The following LRRIQ1 variants were observed in gnomAD, a reference collection of about 807,000 sequenced individuals.
LRRIQ1 encodes the protein leucine rich repeats and IQ motif containing 1, also known as leucine-rich repeat- and IQ domain-containing protein 1.
LRRIQ1 carries 210 observed loss-of-function variants against 211.9 expected under a neutral mutation model. That is an observed-to-expected ratio of 0.99 (90% CI 0.89 to 1.11). The LOEUF is 1.11. Ranked by LOEUF, LRRIQ1 falls within the 50% of genes most tolerant of loss-of-function variation. LRRIQ1 has a pLI of 0.00. For synonymous variants in LRRIQ1, 699 were observed against 650.1 expected (o/e 1.08, Z -1.14); for missense variants, 2,136 against 1,939.5 (o/e 1.10, Z -1.90).
At chr12:85,211,234 G>A (rs2137069017) in intron 24 of LRRIQ1, among the ~76,000 whole-genome samples, 1 of 152,232 alleles carries the variant, frequency 6.6e-6, no homozygotes, top group East Asian at 1.9e-4. Flanking sequence ...TATACCCAAG[G>A]ATGAATACAT....
intron 24 of LRRIQ1, among the ~76,000 whole-genome samples, chr12:85,206,846 G>A (rs1228863793): frequency 1.3e-5 from 2 of 152,074 alleles, no homozygotes; most frequent in African/African-American, 2.4e-5. Context: ...GGTCAAACGG[G>A]CCTCATCTCA....
Position 85,082,331 on chromosome 12 carries a change from C to A in LRRIQ1, c.2887+9233C>A, listed in dbSNP as rs185580978. 3.7e-4 allele frequency among the ~76,000 whole-genome samples: 57 copies of A among 152,024 alleles called. No individual in the cohort carries two copies. The East Asian group carries it at 0.011, about 29-fold the overall frequency. ...TTTCTGTCTTCTTCAAATATCTTTT[C>A]TTTGTCTTTGCGGTTATGCACCTTT... On this transcript the variant is annotated intron_variant, in intron 11 of 26. Transcript: ENST00000393217.
At chr12:85,054,676 A>G (rs1384528189) in intron 7 of LRRIQ1, among the ~76,000 whole-genome samples, 2 of 151,598 alleles carry the variant, frequency 1.3e-5, no homozygotes, top group Non-Finnish European at 3.0e-5. Flanking sequence ...GTAATCAGCT[A>G]TCCAGCCATT....
chr12:85,054,680 A>G (rs1356338204), intron 7 of LRRIQ1, among the ~76,000 whole-genome samples: 2 of 151,678 alleles, frequency 1.3e-5, no homozygotes, highest in African/African-American at 2.4e-5. Context: ...TCAGCTATCC[A>G]GCCATTCTAT....
At chr12:85,205,038 G>T (rs1431639379) in intron 24 of LRRIQ1, among the ~76,000 whole-genome samples, 2 of 152,104 alleles carry the variant, frequency 1.3e-5, no homozygotes, top group Non-Finnish European at 2.9e-5. Flanking sequence ...CAGGGGGGTG[G>T]TTTCTCTTAT....
At chr12:85,140,567 C>T (rs1318481810) in intron 19 of LRRIQ1, among the ~76,000 whole-genome samples, 1 of 151,000 alleles carries the variant, frequency 6.6e-6, no homozygotes, top group Non-Finnish European at 1.5e-5. Flanking sequence ...TTTTCCAGTT[C>T]TTATACCTGT....
At position 85,078,841 on chromosome 12, in the gene LRRIQ1, T is replaced by A. The variant is rs575704222; in HGVS notation, c.2887+5743T>A. The stretch of plus-strand genomic sequence containing the variant: ...ATATTGCCAAGTAGTCGAAAAAAAA[T>A]TTTTTTACGTTTTATTAATTCATTT... On this transcript the variant is annotated intron_variant, in intron 11 of 26. Transcript: ENST00000393217. 2.6e-4 allele frequency among the ~76,000 whole-genome samples: 40 copies of A among 152,148 alleles called. No homozygotes were observed. The South Asian group carries it at 5.2e-3, about 20-fold the overall frequency.
At chr12:85,117,733 T>A (rs1887684805) in intron 15 of LRRIQ1, among the ~76,000 whole-genome samples, 1 of 152,228 alleles carries the variant, frequency 6.6e-6, no homozygotes, top group Admixed American at 6.5e-5. Flanking sequence ...AATCAGAGTA[T>A]CTTCTTTTTG....
chr12:85,145,761 A>G (rs1420337533), intron 19 of LRRIQ1, among the ~76,000 whole-genome samples: 1 of 151,740 alleles, frequency 6.6e-6, no homozygotes, highest in Non-Finnish European at 1.5e-5. Context: ...TACACCAGAC[A>G]GCAAACAAAT....
At chr12:85,175,443 A>G (rs549695073) in intron 24 of LRRIQ1, among the ~76,000 whole-genome samples, 2 of 152,186 alleles carry the variant, frequency 1.3e-5, no homozygotes, top group Non-Finnish European at 2.9e-5. Context: ...TTCGGGCAGA[A>G]GAAAAAGACT....
At position 85,044,761 on chromosome 12, in the gene LRRIQ1, A is replaced by G. The variant is rs1292344332; in HGVS notation, c.288A>G (p.Arg96=). The G allele has an allele frequency of 6.4e-7, 1 of 1,567,870 alleles. No individual in the cohort carries two copies. The highest frequency in any genetic ancestry group is 8.8e-7 in the Non-Finnish European group (1 of 1,142,646). The change falls in exon 4 of 27, where the codon AGA becomes AGG. Residue 96 remains arginine (R), a synonymous_variant. Coordinates refer to ENST00000393217, the MANE Select transcript of LRRIQ1 (RefSeq NM_001079910.2). The part of the protein sequence containing the change: ...GAVSNNHMHL[R]TGLSTEYEES... ...TTTCTAATAATCATATGCATTTAAGAACAGGACTATCAACTGAATATGAAG... is the reference window on the plus strand; with the variant it reads ...TTTCTAATAATCATATGCATTTAAGGACAGGACTATCAACTGAATATGAAG...
Position 85,127,933 on chromosome 12 carries a change from C to T in LRRIQ1, c.4109C>T (p.Pro1370Leu). 1.9e-6 allele frequency: 3 copies of T among 1,613,786 alleles called. No homozygotes were observed. In the South Asian group the frequency reaches 3.3e-5, roughly 18 times the overall value. Residue 1370 changes from proline (P) to leucine (L), a missense_variant, in exon 18 of 27, where the codon CCA (proline) becomes CTA (leucine). Transcript: ENST00000393217. The part of the protein sequence containing the change: ...RLHTAATEGL[P>L]NSSIKNQTIL... ...CATACTGCTGCAACAGAAGGCCTGC[C>T]AAATTCTTCCATCAAGAATCAGACT...
intron 10 of LRRIQ1, among the ~76,000 whole-genome samples, chr12:85,069,620 A>G (rs1882849361): frequency 6.6e-6 from 1 of 151,644 alleles, no homozygotes; most frequent in Non-Finnish European, 1.5e-5. Context: ...CTGACTTTTT[A>G]ATGATTGCCA....
At chr12:85,169,729 G>A (rs1276833445) in intron 24 of LRRIQ1, among the ~76,000 whole-genome samples, 2 of 151,890 alleles carry the variant, frequency 1.3e-5, no homozygotes, top group African/African-American at 4.8e-5. Context: ...CATAACACCT[G>A]TCATTTTGTG....
chr12:85,118,255 G>C (rs1349626119), intron 15 of LRRIQ1, among the ~76,000 whole-genome samples: 1 of 152,036 alleles, frequency 6.6e-6, no homozygotes, highest in Non-Finnish European at 1.5e-5. Context: ...TACTGAACAA[G>C]TTCAAAATAT....
chr12:85,047,182 C>T, intron 5 of LRRIQ1, 65 bp from the exon 6 acceptor site: 3 of 1,217,420 alleles, frequency 2.5e-6, no homozygotes, highest in Admixed American at 2.5e-5. Flanking sequence ...TACTTTTATA[C>T]TTTGAATTAG....
chr12:85,084,261 G>C (rs1041653014), intron 11 of LRRIQ1, among the ~76,000 whole-genome samples: 4 of 152,024 alleles, frequency 2.6e-5, no homozygotes, highest in Non-Finnish European at 5.9e-5. Context: ...AATAATCTTT[G>C]AGTACCAACA....
intron 24 of LRRIQ1, among the ~76,000 whole-genome samples, chr12:85,222,241 G>A (rs1894438582): frequency 6.6e-6 from 1 of 152,074 alleles, no homozygotes; most frequent in Non-Finnish European, 1.5e-5. Context: ...AATAAAGATG[G>A]CAATTGAAGC....
intron 24 of LRRIQ1, among the ~76,000 whole-genome samples, chr12:85,198,183 A>T (rs1344135505): frequency 1.5e-5 from 2 of 130,642 alleles, no homozygotes; most frequent in African/African-American, 3.0e-5. Flanking sequence ...ATTTATATAT[A>T]TATATTTTTT....
Sources: allele counts gnomAD v4.1 joint callset (sites outside exome capture counted in the v4.1 genomes callset), GRCh38; gene constraint gnomAD v4.1.1; transcripts MANE v1.5; gene names NCBI Gene and HGNC (gene_info 2026-07-23, HGNC 2026-07-21).